Variants in EPHA7 observed in about 807,000 individuals in gnomAD.
The protein encoded by EPHA7 is ephrin type-A receptor 7.
Under a neutral mutation model 112.6 loss-of-function variants are expected in EPHA7, and 25 were observed. The ratio of observed to expected loss-of-function variants is 0.22; its 90% CI spans 0.16 to 0.31. EPHA7 has a LOEUF of 0.31. Among genes scored for constraint, EPHA7 ranks in the 10% least tolerant of loss-of-function variants. The pLI is 1.00. For synonymous variants in EPHA7, 437 were observed against 406.5 expected (o/e 1.07, Z -0.90); for missense variants, 962 against 1,212.6 (o/e 0.79, Z 3.07).
chr6:93,273,043 G>A (rs1272672872), intron 5 of EPHA7, among the ~76,000 whole-genome samples: 4 of 151,848 alleles, frequency 2.6e-5, no homozygotes, highest in Admixed American at 2.6e-4. Flanking sequence ...ACATACACAT[G>A]GACTCTTGCA....
chr6:93,293,574 C>A (rs991268867), intron 5 of EPHA7, among the ~76,000 whole-genome samples: 3 of 152,048 alleles, frequency 2.0e-5, no homozygotes, highest in African/African-American at 4.8e-5. Flanking sequence ...ACCAATCTGT[C>A]GACACTGGTA....
At chr6:93,302,522 G>A (rs893114779) in intron 5 of EPHA7, among the ~76,000 whole-genome samples, 2 of 152,034 alleles carry the variant, frequency 1.3e-5, no homozygotes, top group African/African-American at 4.8e-5. Flanking sequence ...CTGGTACCTG[G>A]ACTGTTAGAA....
At chr6:93,392,143 A>G (rs1366310950) in intron 3 of EPHA7, among the ~76,000 whole-genome samples, 1 of 152,016 alleles carries the variant, frequency 6.6e-6, no homozygotes, top group Non-Finnish European at 1.5e-5. Context: ...AGAAAGCCAC[A>G]GCTATGCTGA....
At chr6:93,376,904 C>T (rs1162815561) in intron 3 of EPHA7, among the ~76,000 whole-genome samples, 1 of 152,188 alleles carries the variant, frequency 6.6e-6, no homozygotes, top group African/African-American at 2.4e-5. Flanking sequence ...CATTGCATCC[C>T]TAGCGTTCCG....
intron 5 of EPHA7, among the ~76,000 whole-genome samples, chr6:93,284,241 C>A (rs1223589727): frequency 6.6e-6 from 1 of 152,060 alleles, no homozygotes; most frequent in East Asian, 1.9e-4. Flanking sequence ...ATATATCAAA[C>A]ATAAATTGAC....
At chr6:93,354,236 G>A (rs1202939899) in intron 5 of EPHA7, among the ~76,000 whole-genome samples, 1 of 151,936 alleles carries the variant, frequency 6.6e-6, no homozygotes, top group Non-Finnish European at 1.5e-5. Context: ...CCCCCCTTTA[G>A]GAAGAGCAAA....
chr6:93,292,523 A>C (rs1368403574), intron 5 of EPHA7, among the ~76,000 whole-genome samples: 1 of 152,104 alleles, frequency 6.6e-6, no homozygotes, highest in Non-Finnish European at 1.5e-5. Context: ...GGCGGTATTC[A>C]GTTAAGTTGC....
intron 2 of EPHA7, among the ~76,000 whole-genome samples, chr6:93,414,166 C>T (rs568852446): frequency 1.6e-4 from 25 of 151,758 alleles, no homozygotes; most frequent in African/African-American, 4.8e-4. Context: ...TTAATAACAG[C>T]GGATAGCACA....
chr6:93,268,440 C>A (rs189721888), intron 7 of EPHA7, among the ~76,000 whole-genome samples: 248 of 151,808 alleles, frequency 1.6e-3, no homozygotes, highest in South Asian at 4.1e-3. Flanking sequence ...CAAAATAATT[C>A]TTTAATCAAA....
chr6:93,382,829 C>T (rs1373967262), intron 3 of EPHA7, among the ~76,000 whole-genome samples: 1 of 152,178 alleles, frequency 6.6e-6, no homozygotes, highest in Non-Finnish European at 1.5e-5. Flanking sequence ...AAGGTCCCAA[C>T]ATAGCCAAGT....
chr6:93,353,596 T>G (rs975579589), intron 5 of EPHA7, among the ~76,000 whole-genome samples: 1 of 152,168 alleles, frequency 6.6e-6, no homozygotes, highest in Admixed American at 6.6e-5. Context: ...CCCAAAGAGT[T>G]ACATAAAAAG....
intron 2 of EPHA7, among the ~76,000 whole-genome samples, chr6:93,413,005 G>A (rs1779051083): frequency 6.6e-6 from 1 of 151,856 alleles, no homozygotes; most frequent in Non-Finnish European, 1.5e-5. Flanking sequence ...TACAAACATT[G>A]AGACTACATA....
chr6:93,266,677 T>A (rs1006662474), intron 7 of EPHA7, among the ~76,000 whole-genome samples: 3 of 151,676 alleles, frequency 2.0e-5, no homozygotes, highest in Non-Finnish European at 4.4e-5. Flanking sequence ...CTCAAGTGAC[T>A]TCTTTTAGGC....
chr6:93,275,341 T>C (rs1771420242), intron 5 of EPHA7, among the ~76,000 whole-genome samples: 1 of 151,930 alleles, frequency 6.6e-6, no homozygotes, highest in Admixed American at 6.6e-5. Context: ...AAACAAATAC[T>C]GTATATAACA....
At position 93,264,583 on chromosome 6, in the gene EPHA7, T is replaced by C. The variant is rs1363863709; in HGVS notation, c.1742+11A>G. 2.6e-6 allele frequency: 4 copies of C among 1,537,760 alleles called. No homozygotes were observed. The highest frequency in any genetic ancestry group is 3.4e-4 in the Middle Eastern group (2 of 5,864). On this transcript the variant is annotated intron_variant, in intron 8 of 16. Transcript: ENST00000369303. ...TTTTATGTTAGAGATTAGAACAACTTTGTGTTCTACCTTCTCCCAATGATG... is the reference window on the plus strand; with the variant it reads ...TTTTATGTTAGAGATTAGAACAACTCTGTGTTCTACCTTCTCCCAATGATG...
intron 5 of EPHA7, among the ~76,000 whole-genome samples, chr6:93,290,287 A>T (rs1185466803): frequency 6.6e-6 from 1 of 152,146 alleles, no homozygotes; most frequent in Non-Finnish European, 1.5e-5. Flanking sequence ...TGATAACTAC[A>T]GAAAAGTATT....
intron 5 of EPHA7, among the ~76,000 whole-genome samples, chr6:93,340,702 T>C (rs1340823852): frequency 1.3e-5 from 2 of 152,044 alleles, no homozygotes; most frequent in African/African-American, 4.8e-5. Context: ...TATTTCTAAA[T>C]GACAAGGGAA....
intron 5 of EPHA7, among the ~76,000 whole-genome samples, chr6:93,327,337 T>C (rs1243376390): frequency 6.6e-6 from 1 of 151,570 alleles, no homozygotes; most frequent in East Asian, 1.9e-4. Flanking sequence ...TTGTTCTTCA[T>C]CATCCAGTGC....
At chr6:93,327,275 T>C (rs577713320) in intron 5 of EPHA7, among the ~76,000 whole-genome samples, 1 of 151,674 alleles carries the variant, frequency 6.6e-6, no homozygotes, top group African/African-American at 2.4e-5. Context: ...GAGCATCAAA[T>C]TGAATTTTTC....
Sources: allele counts gnomAD v4.1 joint callset (sites outside exome capture counted in the v4.1 genomes callset), GRCh38; gene constraint gnomAD v4.1.1; transcripts MANE v1.5; gene names NCBI Gene and HGNC (gene_info 2026-07-23, HGNC 2026-07-21).